The following CREB5 variants were observed in gnomAD, a reference collection of about 807,000 sequenced individuals.
CREB5 encodes the protein cyclic AMP-responsive element-binding protein 5.
In CREB5, 19 loss-of-function variants were observed where a neutral mutation model predicts 57.1. That is an observed-to-expected ratio of 0.33 (90% CI 0.23 to 0.49). The LOEUF (loss-of-function observed/expected upper bound fraction) is 0.49. Ranked by LOEUF, CREB5 falls within the 20% of genes least tolerant of loss-of-function variation. CREB5 has a pLI of 0.99. For missense variants in CREB5, 579 were observed against 671.6 expected, an observed-to-expected ratio of 0.86 and a Z score of 1.52; for synonymous variants, 238 against 238.3, an observed-to-expected ratio of 1.00 and a Z score of 0.01.
intron 4 of CREB5, among the ~76,000 whole-genome samples, chr7:28,523,166 T>G (rs1313964787): frequency 1.3e-5 from 2 of 152,182 alleles, no homozygotes; most frequent in African/African-American, 4.8e-5. Context: ...GGCATAACCT[T>G]GGGATTCAGG....
At chr7:28,718,693 C>T in intron 5 of CREB5, 60 bp from the exon 6 acceptor site, 1 of 1,600,672 alleles carries the variant, frequency 6.2e-7, no homozygotes, top group Non-Finnish European at 8.5e-7. Context: ...GTTCTGGACA[C>T]TGGGGAGACA....
intron 7 of CREB5, among the ~76,000 whole-genome samples, chr7:28,738,543 G>C: frequency 6.6e-6 from 1 of 152,178 alleles, no homozygotes; most frequent in East Asian, 1.9e-4. Flanking sequence ...GTGAGAACAT[G>C]GGATCACAGC....
At chr7:28,312,978 T>G (rs919598778) in intron 1 of CREB5, among the ~76,000 whole-genome samples, 25 of 152,320 alleles carry the variant, frequency 1.6e-4, no homozygotes, top group Admixed American at 1.0e-3. Flanking sequence ...ATCTCCTATC[T>G]GATGGTTGAA....
At chr7:28,444,485 C>A (rs899389791) in intron 1 of CREB5, among the ~76,000 whole-genome samples, 1 of 152,184 alleles carries the variant, frequency 6.6e-6, no homozygotes, top group African/African-American at 2.4e-5. Context: ...TACCTTTGAA[C>A]TGTCGTGGGG....
intron 1 of CREB5, among the ~76,000 whole-genome samples, chr7:28,373,502 G>A (rs577887790): frequency 2.4e-4 from 36 of 149,008 alleles, no homozygotes; most frequent in African/African-American, 7.9e-4. Flanking sequence ...GTGCAGTAGC[G>A]CGACCTTGGC....
At chr7:28,582,490 G>A (rs1048675644) in intron 5 of CREB5, among the ~76,000 whole-genome samples, 2 of 152,142 alleles carry the variant, frequency 1.3e-5, no homozygotes, top group Admixed American at 6.5e-5. Context: ...TCTTATGATA[G>A]GAAGCTTGTT....
At chr7:28,709,968 GC>G (rs1439624435) in intron 5 of CREB5, among the ~76,000 whole-genome samples, 15 of 152,322 alleles carry the variant, frequency 9.8e-5, no homozygotes, top group African/African-American at 3.6e-4. Context: ...CGACCTTATT[GC>G]AGGGCAGGCA....
At chr7:28,734,236 AC>A (rs1455087277) in intron 7 of CREB5, among the ~76,000 whole-genome samples, 2 of 151,132 alleles carry the variant, frequency 1.3e-5, no homozygotes, top group African/African-American at 4.8e-5. Flanking sequence ...AAAAACACAA[AC>A]AAAAAAAACA....
chr7:28,379,386 T>G (rs1476392550), intron 1 of CREB5, among the ~76,000 whole-genome samples: 2 of 152,226 alleles, frequency 1.3e-5, no homozygotes, highest in Non-Finnish European at 2.9e-5. Context: ...CCCTCAGTGT[T>G]TTAAGGTTCT....
At chr7:28,458,678 A>G in intron 1 of CREB5, among the ~76,000 whole-genome samples, 1 of 152,170 alleles carries the variant, frequency 6.6e-6, no homozygotes, top group Middle Eastern at 3.2e-3. Flanking sequence ...CACTTCCATC[A>G]CACACTGATT....
chr7:28,316,367 A>T (rs958545918), intron 1 of CREB5, among the ~76,000 whole-genome samples: 1 of 152,150 alleles, frequency 6.6e-6, no homozygotes, highest in Non-Finnish European at 1.5e-5. Context: ...TGAGCCAAAA[A>T]GCTGGCCCGG....
At chr7:28,714,815 T>G (rs887471863) in intron 5 of CREB5, among the ~76,000 whole-genome samples, 1 of 152,216 alleles carries the variant, frequency 6.6e-6, no homozygotes, top group East Asian at 1.9e-4. Flanking sequence ...CAATCCAACA[T>G]GAGCTCACAC....
At chr7:28,767,824 A>C (rs1806089355) in intron 7 of CREB5, among the ~76,000 whole-genome samples, 1 of 152,214 alleles carries the variant, frequency 6.6e-6, no homozygotes, top group Non-Finnish European at 1.5e-5. Flanking sequence ...TCTTCAACCT[A>C]AAAGTAGTTT....
chr7:28,798,509 A>G (rs1220476624), intron 7 of CREB5, among the ~76,000 whole-genome samples: 2 of 152,202 alleles, frequency 1.3e-5, no homozygotes, highest in Admixed American at 1.3e-4. Context: ...ACGGGAAATT[A>G]AAGAGGGACC....
chr7:28,397,474 TTG>T (rs1230991989), intron 1 of CREB5, among the ~76,000 whole-genome samples: 1 of 152,118 alleles, frequency 6.6e-6, no homozygotes, highest in Non-Finnish European at 1.5e-5. Context: ...TCCCTCCAGA[TTG>T]TGGGGGTATT....
rs11396874 is a variant in CREB5 at position 28,495,539 on chromosome 7, C to CAAA, written c.169+552_169+554dup. Among the ~76,000 whole-genome samples, 325 of 142,158 alleles carry CAAA rather than the reference C, an allele frequency of 2.3e-3. 1 individual carries two copies. Among genetic ancestry groups the CAAA allele is most frequent in the African/African-American group, 8.1e-3 (311 of 38,166 alleles). The allele number at this position is 142,158 out of a possible 152,430, so 93.3% of individuals were successfully genotyped here. The stretch of plus-strand genomic sequence containing the variant: ...CCTGGGTGACAGCAAAACTCCGTCT[C>CAAA]AAAAAAAAAAAAAATTACATACCTG... On this transcript the variant is annotated intron_variant, in intron 3 of 10. Coordinates refer to ENST00000357727, the MANE Select transcript of CREB5 (RefSeq NM_182898.4).
At chr7:28,340,697 C>T (rs1440317880) in intron 1 of CREB5, among the ~76,000 whole-genome samples, 1 of 152,196 alleles carries the variant, frequency 6.6e-6, no homozygotes, top group African/African-American at 2.4e-5. Context: ...CAGCACAGCA[C>T]CAGGACTTGC....
chr7:28,537,165 A>G (rs1793996219), intron 4 of CREB5, among the ~76,000 whole-genome samples: 1 of 152,152 alleles, frequency 6.6e-6, no homozygotes, highest in Non-Finnish European at 1.5e-5. Context: ...GTCCAGTCAG[A>G]TTTTTTCTAA....
chr7:28,374,028 G>A (rs1786771798), intron 1 of CREB5, among the ~76,000 whole-genome samples: 1 of 152,010 alleles, frequency 6.6e-6, no homozygotes, highest in Non-Finnish European at 1.5e-5. Context: ...CCACTGGTCA[G>A]CCTTTTTTCT....
Sources: gnomAD v4.1 joint callset for allele counts (sites outside exome capture counted in the v4.1 genomes callset) on GRCh38, gnomAD v4.1.1 for gene constraint, MANE v1.5 for transcripts, NCBI Gene and HGNC (gene_info 2026-07-23, HGNC 2026-07-21) for gene names.